Variants in AUTS2 observed in about 807,000 individuals in gnomAD.
AUTS2 encodes autism susceptibility gene 2 protein.
In AUTS2, 17 loss-of-function variants were observed where a neutral mutation model predicts 112.4. The observed-to-expected ratio is 0.15, with a 90% confidence interval of 0.10 to 0.23. The LOEUF (loss-of-function observed/expected upper bound fraction) is 0.23. Among genes scored for constraint, AUTS2 ranks in the 10% least tolerant of loss-of-function variants. AUTS2 has a pLI of 1.00. For missense variants in AUTS2, 1,510 were observed against 1,701.6 expected (o/e 0.89, Z 1.98); for synonymous variants, 751 against 702.7 (o/e 1.07, Z -1.09).
chr7:70,780,275 A>G (rs1790982456), intron 14 of AUTS2, among the ~76,000 whole-genome samples: 1 of 152,176 alleles, frequency 6.6e-6, no homozygotes, highest in Non-Finnish European at 1.5e-5. Context: ...CTAGAGAAGG[A>G]TGCCAGGGGA....
chr7:70,738,669 C>T (rs1787916837), intron 6 of AUTS2, among the ~76,000 whole-genome samples: 1 of 152,100 alleles, frequency 6.6e-6, no homozygotes, highest in African/African-American at 2.4e-5. Context: ...GGCTCCTGTG[C>T]CCCAATCCCG....
chr7:70,515,443 T>C (rs1040002041), intron 5 of AUTS2, among the ~76,000 whole-genome samples: 2 of 152,188 alleles, frequency 1.3e-5, no homozygotes, highest in Admixed American at 1.3e-4. Flanking sequence ...CAGTGGAGCA[T>C]TTTAATCAGC....
At position 70,628,789 on chromosome 7, in the gene AUTS2, G is replaced by A. The variant is rs574524107; in HGVS notation, c.691-69780G>A. Among the ~76,000 whole-genome samples the A allele has an allele frequency of 2.6e-5, 4 of 152,292 alleles. No homozygotes were observed. In the South Asian group the frequency reaches 8.3e-4, roughly 32 times the overall value. ...GCATTAAAGAAACTGAAGACAAGCAGTTGGGATCCTCAGGATGGGAAAGCA... is the reference window on the plus strand; with the variant it reads ...GCATTAAAGAAACTGAAGACAAGCAATTGGGATCCTCAGGATGGGAAAGCA... On this transcript the variant is annotated intron_variant, in intron 5 of 18. Coordinates refer to ENST00000342771, the MANE Select transcript of AUTS2 (RefSeq NM_015570.4).
chr7:70,622,787 C>A (rs142073285), intron 5 of AUTS2, among the ~76,000 whole-genome samples: 1 of 152,158 alleles, frequency 6.6e-6, no homozygotes, highest in Non-Finnish European at 1.5e-5. Flanking sequence ...CTTTCATCGG[C>A]CTTTTTCTTT....
chr7:70,608,571 C>A (rs943499828), intron 5 of AUTS2, among the ~76,000 whole-genome samples: 2 of 152,186 alleles, frequency 1.3e-5, no homozygotes, highest in Non-Finnish European at 2.9e-5. Flanking sequence ...TTTTTCAGAG[C>A]AGCCTCCCCC....
At chr7:70,353,173 C>T (rs1432342363) in intron 4 of AUTS2, among the ~76,000 whole-genome samples, 1 of 152,154 alleles carries the variant, frequency 6.6e-6, no homozygotes, top group Non-Finnish European at 1.5e-5. Flanking sequence ...CCATAGCCAA[C>T]AGAGTTCAGA....
At chr7:70,709,829 A>C (rs1238805302) in intron 6 of AUTS2, among the ~76,000 whole-genome samples, 1 of 152,216 alleles carries the variant, frequency 6.6e-6, no homozygotes, top group Non-Finnish European at 1.5e-5. Flanking sequence ...CAAAAGCAGT[A>C]GTGCCTCGTA....
At chr7:70,256,395 G>A (rs1034652656) in intron 4 of AUTS2, among the ~76,000 whole-genome samples, 2 of 152,344 alleles carry the variant, frequency 1.3e-5, no homozygotes, top group Middle Eastern at 3.4e-3. Flanking sequence ...CAATGGTGGT[G>A]TCGCCCACTT....
At chr7:70,001,307 G>A (rs1799181451) in intron 2 of AUTS2, among the ~76,000 whole-genome samples, 1 of 152,106 alleles carries the variant, frequency 6.6e-6, no homozygotes, top group South Asian at 2.1e-4. Context: ...TGTAGTTTTA[G>A]TAGAGATGGG....
chr7:70,392,885 G>A (rs1273847331), intron 4 of AUTS2, among the ~76,000 whole-genome samples: 2 of 152,170 alleles, frequency 1.3e-5, no homozygotes, highest in African/African-American at 2.4e-5. Flanking sequence ...ATTAGAAAGG[G>A]ACCCTATTCC....
chr7:69,760,133 T>TA (rs1788116516), intron 1 of AUTS2, among the ~76,000 whole-genome samples: 2 of 150,768 alleles, frequency 1.3e-5, no homozygotes, highest in African/African-American at 4.9e-5. Flanking sequence ...CAAACTCAGT[T>TA]ACACTAACAC....
At chr7:69,773,686 T>A (rs563557967) in intron 1 of AUTS2, among the ~76,000 whole-genome samples, 79 of 152,298 alleles carry the variant, frequency 5.2e-4, no homozygotes, top group Non-Finnish European at 7.6e-4. Flanking sequence ...TCAGTTCCTC[T>A]GCCAGGTGGT....
At chr7:70,273,530 TA>T (rs1222550498) in intron 4 of AUTS2, among the ~76,000 whole-genome samples, 2 of 152,068 alleles carry the variant, frequency 1.3e-5, no homozygotes, top group Admixed American at 6.6e-5. Context: ...TCTATTTTCT[TA>T]CAATCTTTGT....
chr7:70,511,725 G>A (rs1248630057), intron 5 of AUTS2, among the ~76,000 whole-genome samples: 10 of 151,418 alleles, frequency 6.6e-5, no homozygotes, highest in Admixed American at 1.3e-4. Flanking sequence ...ACAAGCATGC[G>A]CCACCATGCT....
intron 5 of AUTS2, among the ~76,000 whole-genome samples, chr7:70,524,878 G>A (rs918129830): frequency 2.0e-5 from 3 of 152,158 alleles, no homozygotes; most frequent in Admixed American, 6.6e-5. Flanking sequence ...CAGACGCCTC[G>A]ATGAGATCTT....
intron 5 of AUTS2, among the ~76,000 whole-genome samples, chr7:70,605,546 CTTTTTTT>C: frequency 1.4e-5 from 1 of 70,664 alleles, no homozygotes; most frequent in Non-Finnish European, 2.4e-5. Flanking sequence ...CCTTCTTTCT[CTTTTTTT>C]TTTTTTTTTT....
At chr7:69,655,389 TTG>T (rs1183446989) in intron 1 of AUTS2, among the ~76,000 whole-genome samples, 33 of 12,982 alleles carry the variant, frequency 2.5e-3, no homozygotes, top group East Asian at 0.02. Flanking sequence ...TAGTTTTTTG[TTG>T]TTGTTGTTGT....
chr7:69,875,505 A>T (rs536676499), intron 1 of AUTS2, among the ~76,000 whole-genome samples: 71 of 152,298 alleles, frequency 4.7e-4, no homozygotes, highest in African/African-American at 1.7e-3. Context: ...TACCAACATG[A>T]GGCTCATGGG....
chr7:69,791,742 A>G (rs943894795), intron 1 of AUTS2, among the ~76,000 whole-genome samples: 1 of 152,222 alleles, frequency 6.6e-6, no homozygotes, highest in African/African-American at 2.4e-5. Flanking sequence ...TTAGAAATTA[A>G]CTGACATAGG....
Sources: allele counts gnomAD v4.1 joint callset (sites outside exome capture counted in the v4.1 genomes callset), GRCh38; gene constraint gnomAD v4.1.1; transcripts MANE v1.5; gene names NCBI Gene and HGNC (gene_info 2026-07-23, HGNC 2026-07-21).